Variants in PTPRG observed in about 807,000 individuals in gnomAD.
The protein encoded by PTPRG is protein tyrosine phosphatase receptor type G, also known as receptor-type tyrosine-protein phosphatase gamma.
A neutral mutation model predicts 165.3 loss-of-function variants in PTPRG; 102 were observed. The ratio of observed to expected loss-of-function variants is 0.62; its 90% CI spans 0.53 to 0.73. The LOEUF is 0.73. Ranked by LOEUF, PTPRG falls within the 30% of genes least tolerant of loss-of-function variation. The pLI, the probability that PTPRG is intolerant of heterozygous loss-of-function variation, is 0.00. For missense variants in PTPRG, 1,866 were observed against 1,861.4 expected, an observed-to-expected ratio of 1.00 and a Z score of -0.05; for synonymous variants, 675 against 669.5, an observed-to-expected ratio of 1.01 and a Z score of -0.13.
At chr3:61,964,343 G>T (rs897456181) in intron 2 of PTPRG, among the ~76,000 whole-genome samples, 2 of 152,120 alleles carry the variant, frequency 1.3e-5, no homozygotes, top group African/African-American at 2.4e-5. Context: ...TGAATGAGGC[G>T]GGAAACGTCA....
intron 2 of PTPRG, among the ~76,000 whole-genome samples, chr3:61,766,818 C>G (rs2034032759): frequency 6.6e-6 from 1 of 151,864 alleles, no homozygotes; most frequent in Non-Finnish European, 1.5e-5. Flanking sequence ...TGGTTTTTCA[C>G]CATGTTGGCC....
chr3:62,227,410 T>G (rs1700787620), intron 13 of PTPRG, among the ~76,000 whole-genome samples: 1 of 152,230 alleles, frequency 6.6e-6, no homozygotes, highest in African/African-American at 2.4e-5. Context: ...GAAACACCCC[T>G]GTTAACCAGC....
chr3:61,838,732 T>C (rs1225052364), intron 2 of PTPRG, among the ~76,000 whole-genome samples: 1 of 152,236 alleles, frequency 6.6e-6, no homozygotes, highest in Non-Finnish European at 1.5e-5. Flanking sequence ...AAGTGACATA[T>C]TGGGTATTCT....
intron 1 of PTPRG, among the ~76,000 whole-genome samples, chr3:61,740,916 C>T (rs904808645): frequency 6.6e-6 from 1 of 151,986 alleles, no homozygotes. Context: ...ACTAGAAGGA[C>T]CATTTATAAT....
At chr3:61,976,265 C>T (rs2040503137) in intron 2 of PTPRG, among the ~76,000 whole-genome samples, 2 of 152,090 alleles carry the variant, frequency 1.3e-5, no homozygotes, top group African/African-American at 2.4e-5. Context: ...TATCTTTAGC[C>T]CTGGCCTTTT....
chr3:61,762,093 C>G (rs1233625385), intron 2 of PTPRG, among the ~76,000 whole-genome samples: 4 of 152,178 alleles, frequency 2.6e-5, no homozygotes, highest in Non-Finnish European at 5.9e-5. Flanking sequence ...GTTTCTGGCT[C>G]TGGGGCTCAC....
At chr3:61,955,216 G>A (rs1252551062) in intron 2 of PTPRG, among the ~76,000 whole-genome samples, 1 of 152,044 alleles carries the variant, frequency 6.6e-6, no homozygotes, top group Non-Finnish European at 1.5e-5. Flanking sequence ...CTTCCTGTAC[G>A]AACCCAAGTC....
At chr3:61,941,273 T>C (rs1559702365) in intron 2 of PTPRG, among the ~76,000 whole-genome samples, 1 of 152,252 alleles carries the variant, frequency 6.6e-6, no homozygotes, top group East Asian at 1.9e-4. Flanking sequence ...TCTATGACTC[T>C]CATTATTATG....
intron 4 of PTPRG, among the ~76,000 whole-genome samples, chr3:62,009,191 G>A (rs2041361857): frequency 6.6e-6 from 1 of 152,118 alleles, no homozygotes; most frequent in South Asian, 2.1e-4. Flanking sequence ...CATGCCTATT[G>A]AGTGACTTCA....
In PTPRG at chr3:61,848,640, A is replaced by G. The variant is rs574453149; in HGVS notation, c.190+99658A>G. On this transcript the variant is annotated intron_variant, in intron 2 of 29. Coordinates refer to ENST00000474889, the MANE Select transcript of PTPRG (RefSeq NM_002841.4). ...TATTCATTATGCGTTTTGTTAAACCAGGTTGTTCCTATAATGAACATGGAA... is the reference window on the plus strand; with the variant it reads ...TATTCATTATGCGTTTTGTTAAACCGGGTTGTTCCTATAATGAACATGGAA... Among the ~76,000 whole-genome samples the G allele has an allele frequency of 5.4e-4, 82 of 152,344 alleles. No homozygotes were observed. In the Middle Eastern group the frequency reaches 0.01, roughly 19 times the overall value.
intron 16 of PTPRG, among the ~76,000 whole-genome samples, chr3:62,260,617 A>G (rs1701665980): frequency 6.6e-6 from 1 of 152,186 alleles, no homozygotes; most frequent in Non-Finnish European, 1.5e-5. Context: ...AGCTTAAACT[A>G]TTTATCAAGT....
chr3:61,602,524 G>A (rs1700898625), intron 1 of PTPRG, among the ~76,000 whole-genome samples: 1 of 152,174 alleles, frequency 6.6e-6, no homozygotes, highest in Non-Finnish European at 1.5e-5. Context: ...CGCCTGTATT[G>A]GTTAAAAACT....
At chr3:62,119,787 AT>A (rs34842750) in intron 5 of PTPRG, among the ~76,000 whole-genome samples, 31,580 of 111,430 alleles carry the variant, frequency 0.28, 3,463 homozygotes, top group Non-Finnish European at 0.32. Flanking sequence ...CGCCTGGCTA[AT>A]TTTTTTTTTT....
chr3:62,076,616 T>C (rs1424327514), intron 4 of PTPRG, among the ~76,000 whole-genome samples: 1 of 151,684 alleles, frequency 6.6e-6, no homozygotes, highest in Non-Finnish European at 1.5e-5. Context: ...AGTTTTGCTC[T>C]TGTTGCCCAG....
intron 2 of PTPRG, among the ~76,000 whole-genome samples, chr3:61,807,823 G>T (rs991814546): frequency 3.9e-5 from 6 of 152,046 alleles, no homozygotes; most frequent in African/African-American, 1.4e-4. Context: ...TATAAGCAAA[G>T]CCCTTCCTTT....
At chr3:62,283,293 A>G (rs985212221) in intron 28 of PTPRG, among the ~76,000 whole-genome samples, 4 of 152,144 alleles carry the variant, frequency 2.6e-5, no homozygotes, top group African/African-American at 4.8e-5. Context: ...GAGTAGAGAT[A>G]AAACTACTAG....
At chr3:61,719,616 C>G (rs992553032) in intron 1 of PTPRG, among the ~76,000 whole-genome samples, 1 of 152,148 alleles carries the variant, frequency 6.6e-6, no homozygotes, top group African/African-American at 2.4e-5. Flanking sequence ...TATTATGGTT[C>G]CTTACCCTCC....
intron 1 of PTPRG, among the ~76,000 whole-genome samples, chr3:61,661,139 C>T (rs1422213926): frequency 6.6e-6 from 1 of 151,866 alleles, no homozygotes; most frequent in Non-Finnish European, 1.5e-5. Flanking sequence ...GTGGCATGCT[C>T]CTAGCCTACT....
At chr3:61,744,940 A>C (rs1368539413) in intron 1 of PTPRG, among the ~76,000 whole-genome samples, 1 of 152,056 alleles carries the variant, frequency 6.6e-6, no homozygotes, top group African/African-American at 2.4e-5. Flanking sequence ...TGGCTTATGT[A>C]AACAGGTACA....
Sources: gnomAD v4.1 joint callset for allele counts (sites outside exome capture counted in the v4.1 genomes callset) on GRCh38, gnomAD v4.1.1 for gene constraint, MANE v1.5 for transcripts, NCBI Gene and HGNC (gene_info 2026-07-23, HGNC 2026-07-21) for gene names.